TANGO6: variants seen among roughly 807,000 people sequenced by gnomAD.
TANGO6 encodes the protein transport and golgi organization 6 homolog, also known as transport and Golgi organization protein 6 homolog.
TANGO6 carries 90 observed loss-of-function variants against 114.2 expected under a neutral mutation model. That is an observed-to-expected ratio of 0.79 (90% CI 0.66 to 0.94). TANGO6 has a LOEUF of 0.94. TANGO6 is among the 40% of genes least tolerant of loss of function. TANGO6 has a pLI of 0.00. For synonymous variants in TANGO6, 477 were observed against 509.8 expected, an observed-to-expected ratio of 0.94 and a Z score of 0.87; for missense variants, 1,274 against 1,315.3, an observed-to-expected ratio of 0.97 and a Z score of 0.49.
chr16:69,004,780 T>C (rs1172705702), intron 15 of TANGO6, among the ~76,000 whole-genome samples: 1 of 152,232 alleles, frequency 6.6e-6, no homozygotes, highest in Non-Finnish European at 1.5e-5. Context: ...TGTCCCCATG[T>C]CTAACAAGGA....
intron 15 of TANGO6, among the ~76,000 whole-genome samples, chr16:69,010,102 A>T (rs1462352564): frequency 6.6e-6 from 1 of 152,122 alleles, no homozygotes; most frequent in Admixed American, 6.5e-5. Context: ...TCTATTTGCT[A>T]CCCTCACTAA....
chr16:69,079,428 A>G (rs974914747), intron 17 of TANGO6, among the ~76,000 whole-genome samples: 20 of 152,036 alleles, frequency 1.3e-4, no homozygotes, highest in Admixed American at 3.3e-4. Flanking sequence ...TAAGCAAAAC[A>G]CAAAATCCAG....
At chr16:68,951,158 A>G (rs1963467480) in intron 14 of TANGO6, among the ~76,000 whole-genome samples, 1 of 152,134 alleles carries the variant, frequency 6.6e-6, no homozygotes, top group African/African-American at 2.4e-5. Flanking sequence ...TCCTGTCTCT[A>G]TAAAAATTTT....
chr16:68,950,587 G>A (rs940148904), intron 14 of TANGO6, among the ~76,000 whole-genome samples: 6 of 150,718 alleles, frequency 4.0e-5, no homozygotes, highest in South Asian at 4.2e-4. Flanking sequence ...TAGGATGGGC[G>A]CGGTGGCTCA....
At chr16:68,975,360 C>T (rs944751254) in intron 15 of TANGO6, among the ~76,000 whole-genome samples, 32 of 151,492 alleles carry the variant, frequency 2.1e-4, no homozygotes, top group Non-Finnish European at 3.7e-4. Flanking sequence ...CTTACACTGC[C>T]TCACTTCAAA....
intron 11 of TANGO6, among the ~76,000 whole-genome samples, chr16:68,915,878 T>C (rs1010914192): frequency 7.9e-5 from 12 of 152,180 alleles, no homozygotes; most frequent in Non-Finnish European, 1.8e-4. Flanking sequence ...CATGCAAGCT[T>C]GCATGTTATT....
chr16:69,033,314 G>A (rs1473039272), intron 16 of TANGO6, among the ~76,000 whole-genome samples: 1 of 152,210 alleles, frequency 6.6e-6, no homozygotes, highest in African/African-American at 2.4e-5. Context: ...AGGAACTTGA[G>A]CTTTGGGAAA....
At position 69,040,369 on chromosome 16, in the gene TANGO6, C is replaced by A; in HGVS notation, c.3056C>A (p.Ala1019Asp). 1 of 1,609,602 alleles carries A rather than the reference C, an allele frequency of 6.2e-7. No homozygotes were observed. The highest frequency in any genetic ancestry group is 8.5e-7 in the Non-Finnish European group (1 of 1,178,258). Residue 1019 changes from alanine (A) to aspartate (D), a missense_variant, in exon 17 of 18, where the codon GCC becomes GAC. Coordinates refer to ENST00000261778, the MANE Select transcript of TANGO6 (RefSeq NM_024562.2). ...TDGEVQVRRA[A>D]IHVVVLLLRG... ...GGTGAAGTTCAAGTACGCAGAGCTG[C>A]CATACATGTGGTTGTGCTGCTGCTT...
At chr16:68,895,577 C>G (rs1962693063) in intron 7 of TANGO6, among the ~76,000 whole-genome samples, 1 of 152,066 alleles carries the variant, frequency 6.6e-6, no homozygotes, top group Admixed American at 6.6e-5. Context: ...GTCACAGGCT[C>G]TAAAGTGCAA....
chr16:69,001,142 G>A (rs570193523), intron 15 of TANGO6, among the ~76,000 whole-genome samples: 77 of 152,146 alleles, frequency 5.1e-4, no homozygotes, highest in Non-Finnish European at 8.4e-4. Flanking sequence ...CATACCAGGT[G>A]CAGAGCCTAG....
intron 14 of TANGO6, among the ~76,000 whole-genome samples, chr16:68,962,021 C>T (rs1023739354): frequency 6.6e-6 from 1 of 152,116 alleles, no homozygotes; most frequent in Non-Finnish European, 1.5e-5. Context: ...TTTGTTGGGG[C>T]CTGTTCACAG....
At chr16:69,005,803 AAAG>A (rs1964087111) in intron 15 of TANGO6, among the ~76,000 whole-genome samples, 1 of 152,016 alleles carries the variant, frequency 6.6e-6, no homozygotes, top group Non-Finnish European at 1.5e-5. Flanking sequence ...AAAAAAAAAA[AAAG>A]GTAGCAAGTT....
At chr16:68,975,531 G>A (rs1963755654) in intron 15 of TANGO6, among the ~76,000 whole-genome samples, 1 of 151,316 alleles carries the variant, frequency 6.6e-6, no homozygotes, top group Non-Finnish European at 1.5e-5. Flanking sequence ...TTGGCTGTGT[G>A]ATCAGGGAAA....
intron 8 of TANGO6, 132 bp from the exon 9 acceptor site, chr16:68,902,196 A>C: frequency 1.4e-6 from 1 of 711,712 alleles, no homozygotes; most frequent in Non-Finnish European, 2.1e-6. Flanking sequence ...CCTGCATTTC[A>C]GTAGTACTAG....
intron 2 of TANGO6, among the ~76,000 whole-genome samples, chr16:68,862,045 T>C (rs1298327007): frequency 3.3e-5 from 5 of 151,902 alleles, no homozygotes; most frequent in Non-Finnish European, 7.4e-5. Flanking sequence ...TTTTTATTAT[T>C]ATTATTTTTT....
intron 7 of TANGO6, among the ~76,000 whole-genome samples, chr16:68,899,021 C>T (rs529205329): frequency 6.6e-6 from 1 of 150,998 alleles, no homozygotes; most frequent in African/African-American, 2.4e-5. Context: ...ACCTGTAATT[C>T]CAGCACTTAG....
At chr16:68,960,815 G>A (rs1670334931) in intron 14 of TANGO6, among the ~76,000 whole-genome samples, 1 of 152,032 alleles carries the variant, frequency 6.6e-6, no homozygotes. Context: ...TTTTGGATTT[G>A]TTTTATTTGT....
intron 1 of TANGO6, among the ~76,000 whole-genome samples, chr16:68,855,521 G>T (rs1309976099): frequency 6.6e-6 from 1 of 151,688 alleles, no homozygotes; most frequent in Non-Finnish European, 1.5e-5. Context: ...GGCAAAGCTT[G>T]CAGTGAGCCA....
chr16:68,939,103 TAAC>T (rs1324786832), intron 14 of TANGO6, among the ~76,000 whole-genome samples: 5 of 109,808 alleles, frequency 4.6e-5, no homozygotes, highest in South Asian at 5.8e-4. Context: ...CAAACAACAA[TAAC>T]AACAACAAAA....
Sources: gnomAD v4.1 joint callset for allele counts (sites outside exome capture counted in the v4.1 genomes callset) on GRCh38, gnomAD v4.1.1 for gene constraint, MANE v1.5 for transcripts, NCBI Gene and HGNC (gene_info 2026-07-23, HGNC 2026-07-21) for gene names.